The following MAP3K5 variants were observed in gnomAD, a reference collection of about 807,000 sequenced individuals.
The protein encoded by MAP3K5 is mitogen-activated protein kinase kinase kinase 5.
MAP3K5 carries 56 observed loss-of-function variants against 158.7 expected under a neutral mutation model. The ratio of observed to expected loss-of-function variants is 0.35; its 90% CI spans 0.28 to 0.44. The LOEUF is 0.44. MAP3K5 is among the 20% of genes least tolerant of loss of function. The probability of loss-of-function intolerance (pLI) is 1.00; values close to 1 mark genes in which losing one functional copy is unlikely to be tolerated. For synonymous variants in MAP3K5, 579 were observed against 601.7 expected, an observed-to-expected ratio of 0.96 and a Z score of 0.55; for missense variants, 1,294 against 1,674.8, an observed-to-expected ratio of 0.77 and a Z score of 3.97.
At chr6:136,628,139 T>C (rs1271396647) in intron 14 of MAP3K5, among the ~76,000 whole-genome samples, 1 of 151,990 alleles carries the variant, frequency 6.6e-6, no homozygotes, top group Non-Finnish European at 1.5e-5. Flanking sequence ...TTAAAGAGTG[T>C]TTTGCTCTGT....
chr6:136,746,810 G>C (rs1341067204), intron 1 of MAP3K5, among the ~76,000 whole-genome samples: 1 of 152,190 alleles, frequency 6.6e-6, no homozygotes, highest in Admixed American at 6.5e-5. Context: ...CACCGTCTGT[G>C]CTCTAAGAAT....
rs376450315 is a variant in MAP3K5, at chr6:136,614,142, A to G, written c.2278+17T>C. The G allele has an allele frequency of 3.1e-6, 5 of 1,606,896 alleles. No homozygotes were observed. The highest frequency in any genetic ancestry group is 4.2e-6 in the Non-Finnish European group (5 of 1,177,208). On this transcript the variant is annotated intron_variant, in intron 16 of 29. Transcript: ENST00000359015. ...CTCTAAACATTCACACTTTTTAAAG[A>G]AAGAAATATCTCTTACCTCCAGGGA...
At chr6:136,692,011 A>C (rs1173007679) in intron 7 of MAP3K5, among the ~76,000 whole-genome samples, 1 of 151,950 alleles carries the variant, frequency 6.6e-6, no homozygotes, top group African/African-American at 2.4e-5. Context: ...CTTAATTATG[A>C]ATCACACTTT....
At chr6:136,631,804 C>G (rs1301619862) in intron 14 of MAP3K5, among the ~76,000 whole-genome samples, 1 of 152,112 alleles carries the variant, frequency 6.6e-6, no homozygotes, top group Non-Finnish European at 1.5e-5. Context: ...ACTTGGACAC[C>G]TGGCACCATG....
intron 7 of MAP3K5, among the ~76,000 whole-genome samples, chr6:136,685,483 T>C (rs543625703): frequency 1.7e-4 from 26 of 152,074 alleles, no homozygotes; most frequent in African/African-American, 5.8e-4. Flanking sequence ...CCCAGGAGAG[T>C]AAAACTTCCT....
intron 14 of MAP3K5, among the ~76,000 whole-genome samples, chr6:136,632,727 G>A (rs1777432531): frequency 3.9e-5 from 6 of 152,138 alleles, no homozygotes; most frequent in Admixed American, 3.9e-4. Flanking sequence ...ACGGGTTTGG[G>A]AGGGGTTTCT....
chr6:136,647,137 C>A (rs574535807), intron 11 of MAP3K5, among the ~76,000 whole-genome samples: 1 of 152,316 alleles, frequency 6.6e-6, no homozygotes, highest in South Asian at 2.1e-4. Flanking sequence ...CTACCTGCCT[C>A]ATATCTAGCT....
At position 136,710,514 on chromosome 6, in the gene MAP3K5, G is replaced by T. The variant is rs779183689; in HGVS notation, c.589-5381C>A. On this transcript the variant is annotated intron_variant, in intron 2 of 29. Coordinates refer to ENST00000359015, the MANE Select transcript of MAP3K5 (RefSeq NM_005923.4). The stretch of plus-strand genomic sequence containing the variant: ...ACTAAAAAAAAAAATCTAGTCCAAG[G>T]CTCATTTGAAGGCAAAGACTAACTT... 2.6e-5 allele frequency among the ~76,000 whole-genome samples: 4 copies of T among 152,048 alleles called. No homozygotes were observed. The East Asian group carries it at 7.7e-4, about 29-fold the overall frequency.
chr6:136,705,738 T>A (rs1781047553), intron 2 of MAP3K5, among the ~76,000 whole-genome samples: 1 of 152,136 alleles, frequency 6.6e-6, no homozygotes. Flanking sequence ...CTAAAAATAA[T>A]TTCTGCAGAT....
chr6:136,589,588 A>G (rs1253875783), intron 23 of MAP3K5, among the ~76,000 whole-genome samples: 3 of 152,118 alleles, frequency 2.0e-5, no homozygotes, highest in Non-Finnish European at 2.9e-5. Flanking sequence ...CTAACACTCA[A>G]TGGGATATAT....
chr6:136,609,891 C>G lies in MAP3K5; in HGVS notation c.2521+1391G>C, dbSNP rs141591645. Among the ~76,000 whole-genome samples the G allele has an allele frequency of 3.1e-3, 452 of 147,322 alleles. 3 individuals are homozygous for G. The highest frequency in any genetic ancestry group is 0.011 in the African/African-American group (436 of 39,762). ...GGTGGACTGCTTAAACCCAGGAGTT[C>G]AAGACCAGCCTGGGCAACATAGCAA... On this transcript the variant is annotated intron_variant, in intron 18 of 29. Transcript: ENST00000359015. This position sits in a 1 kb window ranked among gnomAD's most constrained non-coding sequence, Gnocchi z 4.4.
chr6:136,764,661 C>T (rs749379232), intron 1 of MAP3K5, among the ~76,000 whole-genome samples: 4 of 152,128 alleles, frequency 2.6e-5, no homozygotes, highest in Non-Finnish European at 5.9e-5. Context: ...TGTGGTTATG[C>T]CGCAACAGAA....
At chr6:136,577,591 G>C (rs948924915) in intron 25 of MAP3K5, among the ~76,000 whole-genome samples, 2 of 152,064 alleles carry the variant, frequency 1.3e-5, no homozygotes, top group Non-Finnish European at 2.9e-5. Context: ...TCCATCCCTG[G>C]GACACTCGTG....
Position 136,786,753 on chromosome 6 carries a change from A to G in MAP3K5, c.448+4957T>C, listed in dbSNP as rs550276844. ...ATTCTTTTTAAAGACATCAGTACAC[A>G]AAGATTGGGAAAGTTTATTAAAAAT... On this transcript the variant is annotated intron_variant, in intron 1 of 29. Coordinates refer to ENST00000359015, the MANE Select transcript of MAP3K5 (RefSeq NM_005923.4). Among the ~76,000 whole-genome samples the G allele has an allele frequency of 1.3e-4, 20 of 152,166 alleles. No homozygotes were observed. In the South Asian group the frequency reaches 1.4e-3, roughly 11 times the overall value.
chr6:136,789,076 C>T (rs1383348243), intron 1 of MAP3K5, among the ~76,000 whole-genome samples: 1 of 152,170 alleles, frequency 6.6e-6, no homozygotes, highest in Admixed American at 6.5e-5. Context: ...GGCAGGAGGA[C>T]TGCTTGAGGC....
chr6:136,707,913 G>A (rs892534225), intron 2 of MAP3K5, among the ~76,000 whole-genome samples: 5 of 152,318 alleles, frequency 3.3e-5, no homozygotes, highest in African/African-American at 9.6e-5. Context: ...TGAAGTGATA[G>A]AGAAGGATCT....
chr6:136,578,419 C>T (rs371263230), intron 25 of MAP3K5, among the ~76,000 whole-genome samples: 1 of 152,122 alleles, frequency 6.6e-6, no homozygotes, highest in African/African-American at 2.4e-5. Flanking sequence ...GTATGCTAGG[C>T]TCAGAATAAA....
intron 1 of MAP3K5, among the ~76,000 whole-genome samples, chr6:136,754,208 C>T (rs1467243710): frequency 6.6e-6 from 1 of 151,134 alleles, no homozygotes; most frequent in Non-Finnish European, 1.5e-5. Context: ...GGGAGGCAGA[C>T]GTTGCAGTGA....
chr6:136,605,429 G>T, intron 18 of MAP3K5, 63 bp from the exon 19 acceptor site: 1 of 1,381,120 alleles, frequency 7.2e-7, no homozygotes, highest in Non-Finnish European at 9.8e-7. Flanking sequence ...TCTAATGACA[G>T]TTTTTCAACA....
Sources: gnomAD v4.1 joint callset for allele counts (sites outside exome capture counted in the v4.1 genomes callset) on GRCh38, gnomAD v4.1.1 for gene constraint, Gnocchi (gnomAD v3.1) non-coding constraint, MANE v1.5 for transcripts, NCBI Gene and HGNC (gene_info 2026-07-23, HGNC 2026-07-21) for gene names.